The following MAP3K2 variants were observed in gnomAD, a reference collection of about 807,000 sequenced individuals.
MAP3K2 encodes MAP/ERK kinase kinase 2.
MAP3K2 carries 24 observed loss-of-function variants against 80.3 expected under a neutral mutation model. The observed-to-expected ratio is 0.30, with a 90% CI of 0.22 to 0.42. The LOEUF is 0.42. Ranked by LOEUF, MAP3K2 falls within the 10% of genes least tolerant of loss-of-function variation. MAP3K2 has a pLI of 1.00. For missense variants in MAP3K2, 608 were observed against 750.1 expected (o/e 0.81, Z 2.21); for synonymous variants, 244 against 253.7 (o/e 0.96, Z 0.36).
intron 1 of MAP3K2, among the ~76,000 whole-genome samples, chr2:127,352,213 A>G (rs562537889): frequency 2.0e-5 from 3 of 152,214 alleles, no homozygotes; most frequent in South Asian, 2.1e-4. Context: ...CTACTACAGT[A>G]AAGGTTAGAT....
chr2:127,386,752 T>C (rs1302806773), intron 1 of MAP3K2, among the ~76,000 whole-genome samples: 2 of 152,220 alleles, frequency 1.3e-5, no homozygotes, highest in Admixed American at 6.5e-5. Context: ...TATCTGTCTA[T>C]GTGTTTAGAA....
At chr2:127,334,997 T>C (rs1686337141) in intron 5 of MAP3K2, among the ~76,000 whole-genome samples, 2 of 152,116 alleles carry the variant, frequency 1.3e-5, no homozygotes, top group Non-Finnish European at 2.9e-5. Flanking sequence ...CTTGTTCTCT[T>C]GACCTTGTGA....
chr2:127,357,223 G>A (rs1482894665), intron 1 of MAP3K2, among the ~76,000 whole-genome samples: 2 of 152,198 alleles, frequency 1.3e-5, no homozygotes, highest in Admixed American at 6.5e-5. Context: ...AAAATTCAAT[G>A]AAATCTTAAA....
intron 2 of MAP3K2, among the ~76,000 whole-genome samples, chr2:127,341,329 A>T (rs571605874): frequency 1.3e-5 from 2 of 151,942 alleles, no homozygotes; most frequent in Admixed American, 1.3e-4. Context: ...AAAAAAAATA[A>T]GTACCGTTTT....
intron 12 of MAP3K2, among the ~76,000 whole-genome samples, chr2:127,319,264 TGAGA>T (rs1372906039): frequency 6.8e-6 from 1 of 146,726 alleles, no homozygotes; most frequent in African/African-American, 2.5e-5. Context: ...ACCCTACCCC[TGAGA>T]GAGAGGCTGA....
intron 1 of MAP3K2, among the ~76,000 whole-genome samples, chr2:127,353,974 G>T (rs974862963): frequency 2.6e-5 from 4 of 151,710 alleles, no homozygotes; most frequent in Non-Finnish European, 4.4e-5. Flanking sequence ...AACATGTGCT[G>T]TGTCCACTCA....
At chr2:127,382,183 A>G (rs1448315252) in intron 1 of MAP3K2, among the ~76,000 whole-genome samples, 1 of 152,230 alleles carries the variant, frequency 6.6e-6, no homozygotes, top group Non-Finnish European at 1.5e-5. Context: ...ATTAGAGTAT[A>G]TGAAAGAAGT....
chr2:127,387,532 G>C lies in MAP3K2; in HGVS notation c.-146C>G, dbSNP rs1260367208. The C allele has an allele frequency of 1.4e-5, 14 of 984,836 alleles. No individual in the cohort carries two copies. The highest frequency in any genetic ancestry group is 1.7e-5 in the Non-Finnish European group (14 of 829,746). The allele number at this position is 984,836 out of a possible 1,614,324, so 61.0% of individuals were successfully genotyped here. On this transcript the variant is annotated 5_prime_UTR_variant, in exon 1 of 17. Transcript: ENST00000682094. ...CGAGCCCGCCCCTCCGCCCCAGCGCGGCCTGTCACCGCGGCCCCAGGTCGG... is the reference window on the plus strand; with the variant it reads ...CGAGCCCGCCCCTCCGCCCCAGCGCCGCCTGTCACCGCGGCCCCAGGTCGG...
rs1321925609 is a variant in MAP3K2, at chr2:127,305,132, A to G, written c.*2447T>C. 6.6e-6 allele frequency: 1 copy of G among 152,464 alleles called. No individual in the cohort carries two copies. The highest frequency in any genetic ancestry group is 1.5e-5 in the Non-Finnish European group (1 of 67,972). The allele number at this position is 152,464 out of a possible 1,614,324, so 9.4% of individuals were successfully genotyped here. On this transcript the variant is annotated 3_prime_UTR_variant, in exon 17 of 17. Coordinates refer to ENST00000682094, the MANE Select transcript of MAP3K2 (RefSeq NM_001371910.2). ...CTACAGTCTCACCAGATTTCTCTCT[A>G]AAGAGCATTTGTCTCATATTGTGCA...
At chr2:127,359,538 T>C (rs1686850599) in intron 1 of MAP3K2, among the ~76,000 whole-genome samples, 2 of 152,182 alleles carry the variant, frequency 1.3e-5, no homozygotes, top group African/African-American at 4.8e-5. Flanking sequence ...TTCAGAAATG[T>C]TCGACAATTT....
In MAP3K2 at chr2:127,339,631, A is replaced by G. The variant is rs1419651045; in HGVS notation, c.5-581T>C. On this transcript the variant is annotated intron_variant, in intron 2 of 16. Transcript: ENST00000682094. The surrounding 1 kb of genome is among the most constrained non-coding windows in gnomAD (Gnocchi z 4.2). ...AACAGACTATTTAAAGATCTTGGCC[A>G]GCAACAATGTAAGAAAATTCCTTTC... 3.9e-5 allele frequency among the ~76,000 whole-genome samples: 6 copies of G among 152,232 alleles called. No homozygotes were observed. Among genetic ancestry groups the G allele is most frequent in the Non-Finnish European group, 8.8e-5 (6 of 68,032 alleles).
At chr2:127,382,933 A>G (rs1255874445) in intron 1 of MAP3K2, among the ~76,000 whole-genome samples, 1 of 152,216 alleles carries the variant, frequency 6.6e-6, no homozygotes. Context: ...TTGGTAATTT[A>G]TAAAGAAGAG....
chr2:127,332,749 G>A (rs1265337487), intron 5 of MAP3K2, among the ~76,000 whole-genome samples: 4 of 152,138 alleles, frequency 2.6e-5, no homozygotes, highest in Non-Finnish European at 5.9e-5. Context: ...TTAAAATTGA[G>A]TTCGAGAACC....
intron 1 of MAP3K2, among the ~76,000 whole-genome samples, chr2:127,371,449 C>A (rs1407633319): frequency 6.6e-6 from 1 of 152,208 alleles, no homozygotes; most frequent in Non-Finnish European, 1.5e-5. Context: ...AAATGTTCGA[C>A]AAGGGCCTCA....
In MAP3K2 at chr2:127,371,560, C is replaced by G. The variant is rs764072652; in HGVS notation, c.-66+15892G>C. On this transcript the variant is annotated intron_variant, in intron 1 of 16. Transcript: ENST00000682094. Reference sequence around the variant, plus strand: ...TCTTGTTACAATTGGCTTATAAAAACGCTAATGTGGATCGCCAACAAGCAA... The same window carrying G: ...TCTTGTTACAATTGGCTTATAAAAAGGCTAATGTGGATCGCCAACAAGCAA... Among the ~76,000 whole-genome samples the G allele has an allele frequency of 3.3e-5, 5 of 152,144 alleles. No individual in the cohort carries two copies. The East Asian group carries it at 9.6e-4, about 29-fold the overall frequency.
intron 1 of MAP3K2, among the ~76,000 whole-genome samples, chr2:127,381,148 C>T (rs1179070161): frequency 6.6e-6 from 1 of 152,170 alleles, no homozygotes; most frequent in Non-Finnish European, 1.5e-5. Flanking sequence ...GCATGCACCA[C>T]ACAGCCCAGC....
chr2:127,311,054 TAA>T (rs1685799063), intron 15 of MAP3K2, among the ~76,000 whole-genome samples: 1 of 152,124 alleles, frequency 6.6e-6, no homozygotes, highest in Non-Finnish European at 1.5e-5. Flanking sequence ...CTGGAGAGGA[TAA>T]AGAGACCCCA....
chr2:127,361,336 TA>T (rs58645073), intron 1 of MAP3K2, among the ~76,000 whole-genome samples: 5 of 142,994 alleles, frequency 3.5e-5, no homozygotes, highest in African/African-American at 1.1e-4. Context: ...AAAAAAAAAT[TA>T]AAAGGGAATT....
chr2:127,365,163 T>C (rs2104878360), intron 1 of MAP3K2, among the ~76,000 whole-genome samples: 2 of 133,022 alleles, frequency 1.5e-5, no homozygotes, highest in South Asian at 5.0e-4. Context: ...AAGCTACTAT[T>C]TATAATGGCT....
Sources: gnomAD v4.1 joint callset for allele counts (sites outside exome capture counted in the v4.1 genomes callset) on GRCh38, gnomAD v4.1.1 for gene constraint, Gnocchi (gnomAD v3.1) non-coding constraint, MANE v1.5 for transcripts, NCBI Gene and HGNC (gene_info 2026-07-23, HGNC 2026-07-21) for gene names.